C2CD3: variants seen among roughly 807,000 people sequenced by gnomAD.
C2CD3 encodes the protein C2 domain containing 3 centriole elongation regulator, also known as C2 domain-containing protein 3.
In C2CD3, 148 loss-of-function variants were observed where a neutral mutation model predicts 234.0. The observed-to-expected ratio is 0.63, with a 90% CI of 0.55 to 0.72. The LOEUF (loss-of-function observed/expected upper bound fraction) is 0.72, where lower values mean the gene tolerates loss of function less well. Ranked by LOEUF, C2CD3 falls within the 30% of genes least tolerant of loss-of-function variation. The pLI, the probability that C2CD3 is intolerant of heterozygous loss-of-function variation, is 0.00. For missense variants in C2CD3, 2,577 were observed against 2,811.5 expected (o/e 0.92, Z 1.89); for synonymous variants, 1,000 against 1,035.4 (o/e 0.97, Z 0.66).
At position 74,170,123 on chromosome 11, in the gene C2CD3, GCA is replaced by G. The variant is rs1051023957; in HGVS notation, c.55+613_55+614del. ...GCTAACCTGATGAGGACTCTCTGCT[GCA>G]CACTCTTTCATGATCTCAGGTCCTT... is the stretch of plus-strand genomic sequence containing the variant. On this transcript the variant is annotated intron_variant, in intron 1 of 32. Coordinates refer to ENST00000334126, the MANE Select transcript of C2CD3 (RefSeq NM_001286577.2). Among the ~76,000 whole-genome samples, 3 of 151,998 alleles carry G rather than the reference GCA, an allele frequency of 2.0e-5. No homozygotes were observed. The South Asian group carries it at 6.2e-4, about 32-fold the overall frequency.
At chr11:74,034,386 C>CA (rs1456891143) in intron 30 of C2CD3, 108 bp from the exon 31 acceptor site, 1 of 1,488,310 alleles carries the variant, frequency 6.7e-7, no homozygotes, top group Non-Finnish European at 8.9e-7. Context: ...AGACTCTGAA[C>CA]AAACCATAAA....
Position 74,093,943 on chromosome 11 carries a change from A to C in C2CD3, c.3217T>G (p.Phe1073Val), listed in dbSNP as rs1282893922. 1 of 1,614,128 alleles carries C rather than the reference A, an allele frequency of 6.2e-7. No homozygotes were observed. The highest frequency in any genetic ancestry group is 1.3e-5 in the African/African-American group (1 of 75,060). ...AGAGAGTGATGGTGTTCACTATTAA[A>C]GATGGGATCTGGAACACAGAGTGTG... ...ATTLCVPDPI[F>V]NSEHHHSLLL... Residue 1073 changes from phenylalanine to valine, a missense_variant, in exon 18 of 33, where the codon TTT (phenylalanine) becomes GTT (valine). By Grantham distance (50) the Phe-to-Val change is conservative. Transcript: ENST00000334126.
At chr11:74,086,019 C>G (rs1015739847) in intron 20 of C2CD3, 133 bp from the exon 21 acceptor site, 2 of 915,246 alleles carry the variant, frequency 2.2e-6, no homozygotes, top group East Asian at 5.3e-5. Flanking sequence ...TCTATCTAGG[C>G]TTTTGGCAGT....
chr11:74,081,673 T>C (rs1053538067), intron 22 of C2CD3, among the ~76,000 whole-genome samples: 9 of 152,162 alleles, frequency 5.9e-5, no homozygotes, highest in African/African-American at 9.7e-5. Flanking sequence ...AGAAGGATGA[T>C]AGTATAATGT....
intron 31 of C2CD3, among the ~76,000 whole-genome samples, chr11:74,029,553 G>A (rs1565207990): frequency 6.6e-6 from 1 of 152,240 alleles, no homozygotes; most frequent in Non-Finnish European, 1.5e-5. Flanking sequence ...GCCTTCTGCA[G>A]AGGCCCAGGT....
chr11:74,095,141 C>T (rs1956059377), intron 17 of C2CD3, 87 bp downstream of exon 17: 1 of 899,684 alleles, frequency 1.1e-6, no homozygotes. Context: ...TTCAACAACA[C>T]AAAATTCACT....
intron 20 of C2CD3, among the ~76,000 whole-genome samples, chr11:74,090,453 G>A (rs938901108): frequency 6.6e-6 from 1 of 152,308 alleles, no homozygotes; most frequent in East Asian, 1.9e-4. Context: ...AGGGGTGCAA[G>A]CTGGAAAAAT....
Position 74,038,852 on chromosome 11 carries a change from A to C in C2CD3, c.5661-1154T>G, listed in dbSNP as rs1267767748. The stretch of plus-strand genomic sequence containing the variant: ...TCCCTAAGTAGGCCATGGGCGTCTC[A>C]GAATAGAAGATATATCTCACACTTC... On this transcript the variant is annotated intron_variant, in intron 29 of 32. Coordinates refer to ENST00000334126, the MANE Select transcript of C2CD3 (RefSeq NM_001286577.2). 3.9e-5 allele frequency among the ~76,000 whole-genome samples: 6 copies of C among 152,252 alleles called. No individual in the cohort carries two copies. In the East Asian group the frequency reaches 1.2e-3, roughly 29 times the overall value.
intron 22 of C2CD3, among the ~76,000 whole-genome samples, chr11:74,079,439 C>T (rs1565266880): frequency 6.6e-6 from 1 of 151,674 alleles, no homozygotes; most frequent in South Asian, 2.1e-4. Flanking sequence ...GATACCCAGG[C>T]TGGTCTTGAA....
At chr11:74,131,480 T>C (rs971544982) in intron 7 of C2CD3, among the ~76,000 whole-genome samples, 3 of 152,166 alleles carry the variant, frequency 2.0e-5, no homozygotes, top group Non-Finnish European at 4.4e-5. Context: ...TTTTTATATG[T>C]TGCTGGGTTC....
intron 24 of C2CD3, among the ~76,000 whole-genome samples, chr11:74,058,011 CCT>C (rs572722005): frequency 2.6e-5 from 4 of 152,156 alleles, no homozygotes; most frequent in African/African-American, 4.8e-5. Context: ...CTGCTATTAC[CCT>C]GTCTTTTTAA....
chr11:74,168,126 G>T (rs1856924555), intron 2 of C2CD3: 2 of 497,602 alleles, frequency 4.0e-6, no homozygotes, highest in Non-Finnish European at 7.1e-6. Context: ...TATCTTTCAG[G>T]GTTATTGTAA....
At chr11:74,088,856 A>G (rs1955765220) in intron 20 of C2CD3, among the ~76,000 whole-genome samples, 1 of 152,128 alleles carries the variant, frequency 6.6e-6, no homozygotes, top group African/African-American at 2.4e-5. Context: ...TAAGACTCAG[A>G]TTTATTTTGA....
intron 31 of C2CD3, among the ~76,000 whole-genome samples, chr11:74,028,866 C>T (rs1952412011): frequency 6.6e-6 from 1 of 152,192 alleles, no homozygotes; most frequent in South Asian, 2.1e-4. Context: ...TAGAAAAAGA[C>T]CTATTAGAAG....
chr11:74,090,895 T>G lies in C2CD3; in HGVS notation c.3559A>C (p.Thr1187Pro), dbSNP rs1590771429. ...VGLRYRRSPR[T>P]AEGVLAARTV... ...CGGGCAGCAAGAACTCCCTCTGCTG[T>G]TCTTGGACTACGCCTGTACCTTAGG... The change falls in exon 20 of 33, where the codon ACA (threonine) becomes CCA (proline). Residue 1187 changes from threonine (T) to proline (P), a missense_variant. Coordinates refer to ENST00000334126, the MANE Select transcript of C2CD3 (RefSeq NM_001286577.2). 1.2e-6 allele frequency: 2 copies of G among 1,613,964 alleles called. No individual in the cohort carries two copies. Among genetic ancestry groups the G allele is most frequent in the East Asian group, 4.5e-5 (2 of 44,878 alleles).
In C2CD3 at chr11:74,069,241, T is replaced by C. The variant is rs376402015; in HGVS notation, c.4951+5012A>G. 1.2e-4 allele frequency among the ~76,000 whole-genome samples: 19 copies of C among 152,352 alleles called. No individual in the cohort carries two copies. The East Asian group carries it at 1.9e-3, about 15-fold the overall frequency. On this transcript the variant is annotated intron_variant, in intron 24 of 32. Transcript: ENST00000334126. ...ACAGGTGGGTGAAAAAGAAATCAGC[T>C]TGGGAGAGCAGGTCTATCAGGTTTC... is the stretch of plus-strand genomic sequence containing the variant.
intron 8 of C2CD3, among the ~76,000 whole-genome samples, chr11:74,119,635 C>CTT (rs527594045): frequency 2.1e-4 from 29 of 137,622 alleles, no homozygotes; most frequent in African/African-American, 4.5e-4. Context: ...AGCAATACAA[C>CTT]TTTTTTTTTT....
chr11:74,050,531 C>T (rs775421795), intron 26 of C2CD3, among the ~76,000 whole-genome samples: 2 of 152,236 alleles, frequency 1.3e-5, no homozygotes, highest in Non-Finnish European at 1.5e-5. Context: ...TTTATATAGG[C>T]TCCATTCTGT....
chr11:74,168,531 A>C lies in C2CD3; in HGVS notation c.138T>G (p.Asn46Lys), dbSNP rs776168403. The C allele has an allele frequency of 5.6e-6, 9 of 1,614,078 alleles. No individual in the cohort carries two copies. Among genetic ancestry groups the C allele is most frequent in the Non-Finnish European group, 6.8e-6 (8 of 1,180,002 alleles). ...QLRCFLKLTV[N>K]RVIWKIAKPP... ...GCTTTGCAATCTTCCATATGACTCT[A>C]TTAACAGTAAGTTTTAGAAAACAGC... The change falls in exon 2 of 33, where the codon AAT becomes AAG. Residue 46 changes from asparagine to lysine, a missense_variant. Transcript: ENST00000334126.
Sources: allele counts gnomAD v4.1 joint callset (sites outside exome capture counted in the v4.1 genomes callset), GRCh38; gene constraint gnomAD v4.1.1; transcripts MANE v1.5; gene names NCBI Gene and HGNC (gene_info 2026-07-23, HGNC 2026-07-21).